CNTLN: variants seen among roughly 807,000 people sequenced by gnomAD.
CNTLN encodes the protein centlein, centrosomal protein.
Under a neutral mutation model 180.0 loss-of-function variants are expected in CNTLN, and 212 were observed. The ratio of observed to expected loss-of-function variants is 1.18; its 90% confidence interval spans 1.05 to 1.32. The LOEUF (loss-of-function observed/expected upper bound fraction) is 1.32, where lower values mean the gene tolerates loss of function less well. Ranked by LOEUF, CNTLN falls within the 40% of genes most tolerant of loss-of-function variation. The probability of loss-of-function intolerance (pLI) is 0.00; values close to 1 mark genes in which losing one functional copy is unlikely to be tolerated. For synonymous variants in CNTLN, 722 were observed against 563.1 expected (o/e 1.28, Z -3.99); for missense variants, 2,095 against 1,610.9 (o/e 1.30, Z -5.14).
chr9:17,334,816 T>G (rs1820890864), intron 10 of CNTLN, among the ~76,000 whole-genome samples: 1 of 151,468 alleles, frequency 6.6e-6, no homozygotes, highest in African/African-American at 2.4e-5. Flanking sequence ...CTGTGTTCAC[T>G]ATCTGGGTGA....
rs1033491458 is a variant in CNTLN, at chr9:17,354,003, G to A, written c.1886+11559G>A. On this transcript the variant is annotated intron_variant, in intron 12 of 25. Transcript: ENST00000380647. Reference sequence around the variant, plus strand: ...TGGCCAGCTGGAGTTTCGGGTGGGCGTGGGCTTGGCGGCCCCGCACTCGGA... The same window carrying A: ...TGGCCAGCTGGAGTTTCGGGTGGGCATGGGCTTGGCGGCCCCGCACTCGGA... Among the ~76,000 whole-genome samples, 8 of 152,320 alleles carry A rather than the reference G, an allele frequency of 5.3e-5. No individual in the cohort carries two copies. The East Asian group carries it at 7.7e-4, about 15-fold the overall frequency.
intron 7 of CNTLN, 30 bp downstream of exon 7, chr9:17,298,382 A>C: frequency 1.9e-6 from 3 of 1,558,186 alleles, no homozygotes; most frequent in Non-Finnish European, 2.6e-6. Flanking sequence ...TAAAGATGTA[A>C]ATGTTTATGT....
At position 17,145,101 on chromosome 9, in the gene CNTLN, A is replaced by G. The variant is rs1413064514; in HGVS notation, c.449+1725A>G. ...CATGATCCACCCGCCTCGGCCTCCC[A>G]AAGTGCTGGGATTACAGGCGTGAGC... On this transcript the variant is annotated intron_variant, in intron 2 of 25. Coordinates refer to ENST00000380647, the MANE Select transcript of CNTLN (RefSeq NM_017738.4). 8.7e-5 allele frequency among the ~76,000 whole-genome samples: 13 copies of G among 149,806 alleles called. 1 individual carries two copies. Among genetic ancestry groups the G allele is most frequent in the Non-Finnish European group, 3.0e-5 (2 of 67,014 alleles).
chr9:17,201,418 C>A (rs1053577969), intron 2 of CNTLN, among the ~76,000 whole-genome samples: 2 of 152,134 alleles, frequency 1.3e-5, no homozygotes, highest in African/African-American at 4.8e-5. Flanking sequence ...GGTACCAGCT[C>A]CTCTTTGTAC....
intron 2 of CNTLN, among the ~76,000 whole-genome samples, chr9:17,210,668 T>G (rs1301166807): frequency 6.6e-6 from 1 of 152,228 alleles, no homozygotes; most frequent in Non-Finnish European, 1.5e-5. Context: ...TAGTTTACAG[T>G]CCCACCAATA....
chr9:17,307,961 A>C (rs1052672323), intron 7 of CNTLN, among the ~76,000 whole-genome samples: 9 of 142,704 alleles, frequency 6.3e-5, no homozygotes, highest in African/African-American at 2.4e-4. Context: ...TTTTACTGTT[A>C]GCCTTTAAAA....
At chr9:17,213,213 A>G (rs1022412994) in intron 2 of CNTLN, among the ~76,000 whole-genome samples, 1 of 152,166 alleles carries the variant, frequency 6.6e-6, no homozygotes, top group Non-Finnish European at 1.5e-5. Flanking sequence ...ATTTCCCTCT[A>G]CACACTGCTT....
chr9:17,469,178 A>G (rs1395483867), intron 23 of CNTLN, among the ~76,000 whole-genome samples: 3 of 151,814 alleles, frequency 2.0e-5, no homozygotes, highest in South Asian at 2.1e-4. Flanking sequence ...CGAAGTGATT[A>G]TTATACATAA....
At chr9:17,171,498 G>C (rs952833493) in intron 2 of CNTLN, among the ~76,000 whole-genome samples, 1 of 152,182 alleles carries the variant, frequency 6.6e-6, no homozygotes, top group Admixed American at 6.5e-5. Context: ...TGTCTGCAGG[G>C]GGAGCGAGGG....
At chr9:17,346,721 A>G (rs1477999766) in intron 12 of CNTLN, among the ~76,000 whole-genome samples, 3 of 152,202 alleles carry the variant, frequency 2.0e-5, no homozygotes, top group South Asian at 2.1e-4. Context: ...GGTTTATCCT[A>G]TTTGGGTTTC....
chr9:17,155,598 G>A (rs1443754590), intron 2 of CNTLN, among the ~76,000 whole-genome samples: 4 of 152,126 alleles, frequency 2.6e-5, no homozygotes, highest in Admixed American at 6.6e-5. Context: ...CAGCAATGGC[G>A]GACGCCCTTC....
At chr9:17,379,446 G>A (rs1825049210) in intron 13 of CNTLN, among the ~76,000 whole-genome samples, 1 of 152,028 alleles carries the variant, frequency 6.6e-6, no homozygotes, top group Non-Finnish European at 1.5e-5. Flanking sequence ...CCCAGGGTAT[G>A]TCTCCTTAAT....
At chr9:17,385,212 GCACCTCAATGTGTTCAC>G (rs1287611499) in intron 13 of CNTLN, among the ~76,000 whole-genome samples, 1 of 152,178 alleles carries the variant, frequency 6.6e-6, no homozygotes, top group Non-Finnish European at 1.5e-5. Flanking sequence ...GCCACCTTCA[GCACCTCAATGTGTTCAC>G]CAACTTGGAA....
At chr9:17,146,415 C>T (rs1426345571) in intron 2 of CNTLN, among the ~76,000 whole-genome samples, 1 of 151,896 alleles carries the variant, frequency 6.6e-6, no homozygotes, top group Admixed American at 6.6e-5. Flanking sequence ...TGTTGGTGTC[C>T]CCCCAAAATT....
intron 2 of CNTLN, among the ~76,000 whole-genome samples, chr9:17,178,444 G>T (rs1012288116): frequency 6.6e-6 from 1 of 152,196 alleles, no homozygotes; most frequent in African/African-American, 2.4e-5. Context: ...AGATGGGACT[G>T]GGCGCCCTGG....
intron 12 of CNTLN, among the ~76,000 whole-genome samples, chr9:17,358,192 A>G (rs1307305644): frequency 6.6e-6 from 1 of 152,104 alleles, no homozygotes; most frequent in South Asian, 2.1e-4. Context: ...GCAGTTTGGT[A>G]ATAGTGAACA....
chr9:17,352,305 G>T (rs1822429550), intron 12 of CNTLN, among the ~76,000 whole-genome samples: 2 of 150,382 alleles, frequency 1.3e-5, no homozygotes, highest in African/African-American at 4.9e-5. Context: ...TGCTTAAGTA[G>T]CTAAAATCAA....
intron 23 of CNTLN, among the ~76,000 whole-genome samples, chr9:17,483,638 A>G (rs2134310713): frequency 6.6e-6 from 1 of 152,296 alleles, no homozygotes; most frequent in East Asian, 1.9e-4. Flanking sequence ...TGTTACCCAC[A>G]CGTAGGTGTG....
Position 17,336,012 on chromosome 9 carries a change from T to C in CNTLN, c.1644+3282T>C, listed in dbSNP as rs894220297. On this transcript the variant is annotated intron_variant, in intron 10 of 25. Transcript: ENST00000380647. Reference sequence around the variant, plus strand: ...AAGGAAGTACTTAGTAAATGTTTTATTGAATGATCTAATGAACTGATCTCA... The same window carrying C: ...AAGGAAGTACTTAGTAAATGTTTTACTGAATGATCTAATGAACTGATCTCA... Among the ~76,000 whole-genome samples the C allele has an allele frequency of 2.6e-5, 4 of 152,200 alleles. No individual in the cohort carries two copies. The East Asian group carries it at 7.7e-4, about 29-fold the overall frequency.
Sources: allele counts gnomAD v4.1 joint callset (sites outside exome capture counted in the v4.1 genomes callset), GRCh38; gene constraint gnomAD v4.1.1; transcripts MANE v1.5; gene names NCBI Gene and HGNC (gene_info 2026-07-23, HGNC 2026-07-21).